Variants in DOCK8 observed in about 807,000 individuals in gnomAD.
DOCK8 encodes dedicator of cytokinesis protein 8.
DOCK8 carries 141 observed loss-of-function variants against 245.6 expected under a neutral mutation model. The observed-to-expected ratio is 0.57, with a 90% CI of 0.50 to 0.66. The LOEUF is 0.66. Ranked by LOEUF, DOCK8 falls within the 30% of genes least tolerant of loss-of-function variation. DOCK8 has a pLI of 0.00. For missense variants in DOCK8, 2,965 were observed against 2,603.4 expected, an observed-to-expected ratio of 1.14 and a Z score of -3.02; for synonymous variants, 1,168 against 970.2, an observed-to-expected ratio of 1.20 and a Z score of -3.79.
At position 214,968 on chromosome 9, in the gene DOCK8, C is replaced by A. The variant is rs1442572895; in HGVS notation, c.-9C>A. On this transcript the variant is annotated 5_prime_UTR_variant, in exon 1 of 48. Coordinates refer to ENST00000432829, the MANE Select transcript of DOCK8 (RefSeq NM_203447.4). ...GCGACCCTAGAAGCCACCGAACCGCCGGCGGGCCATGGCCACTCTGCCGAG... is the reference window on the plus strand; with the variant it reads ...GCGACCCTAGAAGCCACCGAACCGCAGGCGGGCCATGGCCACTCTGCCGAG... 3 of 1,601,782 alleles carry A rather than the reference C, an allele frequency of 1.9e-6. No individual in the cohort carries two copies. The African/African-American group carries it at 4.1e-5, about 22-fold the overall frequency.
intron 4 of DOCK8, among the ~76,000 whole-genome samples, chr9:299,423 G>C (rs892334690): frequency 6.6e-6 from 1 of 151,968 alleles, no homozygotes; most frequent in Non-Finnish European, 1.5e-5. Flanking sequence ...CACCATACTC[G>C]GCTAATTTTT....
intron 35 of DOCK8, 115 bp from the exon 36 acceptor site, chr9:429,584 AATG>A (rs1314689140): frequency 2.5e-6 from 3 of 1,177,426 alleles, no homozygotes; most frequent in Non-Finnish European, 3.8e-6. Flanking sequence ...TTTATGGAAT[AATG>A]CATTAACTCT....
chr9:278,137 T>C (rs2048431012), intron 2 of DOCK8, among the ~76,000 whole-genome samples: 1 of 152,028 alleles, frequency 6.6e-6, no homozygotes, highest in African/African-American at 2.4e-5. Context: ...GTGGCAGGCA[T>C]TCTGCACACA....
At chr9:280,807 C>G (rs1156344780) in intron 2 of DOCK8, 1 of 152,230 alleles carries the variant, frequency 6.6e-6, no homozygotes, top group Non-Finnish European at 1.5e-5. Context: ...CAGGAGAACT[C>G]TCTTGTAGCT....
intron 1 of DOCK8, among the ~76,000 whole-genome samples, chr9:235,413 C>G (rs1350624713): frequency 6.6e-6 from 1 of 152,172 alleles, no homozygotes; most frequent in Non-Finnish European, 1.5e-5. Flanking sequence ...AACCACTCCT[C>G]TCTTCAAAGC....
intron 24 of DOCK8, among the ~76,000 whole-genome samples, chr9:391,116 C>T (rs758549446): frequency 3.3e-5 from 5 of 152,204 alleles, no homozygotes; most frequent in African/African-American, 7.2e-5. Flanking sequence ...ATTTTGGCCT[C>T]ACAGCCTTTT....
At chr9:406,797 TG>T in intron 27 of DOCK8, 132 bp from the exon 28 acceptor site, 1 of 1,069,424 alleles carries the variant, frequency 9.4e-7, no homozygotes, top group South Asian at 1.3e-5. Flanking sequence ...CCGCCTTATC[TG>T]GCACCAGAGT....
chr9:401,039 ATCACTTCTT>A (rs2131490631), intron 26 of DOCK8, among the ~76,000 whole-genome samples: 1 of 129,056 alleles, frequency 7.7e-6, no homozygotes, highest in Non-Finnish European at 1.6e-5. Flanking sequence ...CACCTCCACC[ATCACTTCTT>A]CCACCATCAT....
Position 304,569 on chromosome 9 carries a change from C to T in DOCK8, c.405-12C>T. ...CTCTTTCTCTCTCCAAATTAAATAT[C>T]AACCATAAAAGAAACCAAGGAAGTC... On this transcript the variant is annotated splice_polypyrimidine_tract_variant and intron_variant, in intron 4 of 47. Transcript: ENST00000432829. The T allele has an allele frequency of 6.2e-7, 1 of 1,613,948 alleles. No homozygotes were observed. The highest frequency in any genetic ancestry group is 8.5e-7 in the Non-Finnish European group (1 of 1,179,978).
chr9:271,603 T>A, intron 1 of DOCK8, 24 bp from the exon 2 acceptor site: 2 of 1,448,746 alleles, frequency 1.4e-6, no homozygotes, highest in Non-Finnish European at 1.9e-6. Flanking sequence ...TCATTTCATT[T>A]AGATTTTTCT....
chr9:367,915 T>A lies in DOCK8; in HGVS notation c.1680-103T>A, dbSNP rs907623948. On this transcript the variant is annotated intron_variant, in intron 14 of 47. Transcript: ENST00000432829. Reference sequence around the variant, plus strand: ...TCACTTCTGAGAGGAAAAACTTCTTTGGAAAAAGCACCCCATGAATGGAAG... The same window carrying A: ...TCACTTCTGAGAGGAAAAACTTCTTAGGAAAAAGCACCCCATGAATGGAAG... The A allele has an allele frequency of 7.3e-6, 7 of 952,470 alleles. No individual in the cohort carries two copies. The African/African-American group carries it at 1.1e-4, about 16-fold the overall frequency. The allele number at this position is 952,470 out of a possible 1,614,324, so 59.0% of individuals were successfully genotyped here.
At chr9:396,323 C>A (rs111844774) in intron 24 of DOCK8, among the ~76,000 whole-genome samples, 2,485 of 152,280 alleles carry the variant, frequency 0.016, 29 homozygotes, top group Non-Finnish European at 0.022. Context: ...ATAGGAGGAA[C>A]ATTTCTCCCA....
Position 386,443 on chromosome 9 carries a change from T to G in DOCK8, c.2874+17T>G, listed in dbSNP as rs373063419. The G allele has an allele frequency of 1.5e-5, 24 of 1,606,958 alleles. No homozygotes were observed. The highest frequency in any genetic ancestry group is 1.8e-5 in the Non-Finnish European group (21 of 1,174,084). On this transcript the variant is annotated intron_variant, in intron 23 of 47. Coordinates refer to ENST00000432829, the MANE Select transcript of DOCK8 (RefSeq NM_203447.4). The stretch of plus-strand genomic sequence containing the variant: ...AGCAAAAAGGTACTGAAGAGAGCAA[T>G]GTGAGGTTCATCCCAGGATAAGAAC...
At chr9:334,407 G>T (rs779275728) in intron 11 of DOCK8, 23 bp downstream of exon 11, 9 of 1,609,674 alleles carry the variant, frequency 5.6e-6, no homozygotes, top group Non-Finnish European at 7.6e-6. Context: ...CCTGCAGTGG[G>T]AAAGGGAGGG....
intron 7 of DOCK8, among the ~76,000 whole-genome samples, chr9:323,443 G>C (rs2050613976): frequency 6.6e-6 from 1 of 151,878 alleles, no homozygotes; most frequent in Non-Finnish European, 1.5e-5. Context: ...GGCTGGTCTT[G>C]AACTCCTGAC....
Position 406,998 on chromosome 9 carries a change from C to T in DOCK8, c.3459C>T (p.Tyr1153=), listed in dbSNP as rs760479112. Residue 1153 remains tyrosine, a synonymous_variant, in exon 28 of 48, where the codon TAC becomes TAT. Coordinates refer to ENST00000432829, the MANE Select transcript of DOCK8 (RefSeq NM_203447.4). ...IASMFDLTSE[Y]RQQHFLTGLL... ...GCATGTTCGATCTGACTTCCGAGTA[C>T]CGCCAGCAGCACTTCCTCACCGGGC... 7 of 1,614,034 alleles carry T rather than the reference C, an allele frequency of 4.3e-6. No individual in the cohort carries two copies. The highest frequency in any genetic ancestry group is 1.7e-5 in the Admixed American group (1 of 60,000).
In DOCK8 at chr9:386,522, C is replaced by T. The variant is rs547573866; in HGVS notation, c.2874+96C>T. Reference sequence around the variant, plus strand: ...TGCTTGGGAATAGTCAAAGTGCTCCCCTGCCTGTCCCTGATGTGCTAACAC... The same window carrying T: ...TGCTTGGGAATAGTCAAAGTGCTCCTCTGCCTGTCCCTGATGTGCTAACAC... On this transcript the variant is annotated intron_variant, in intron 23 of 47. Transcript: ENST00000432829. The T allele has an allele frequency of 3.3e-5, 33 of 989,498 alleles. No individual in the cohort carries two copies. In the African/African-American group the frequency reaches 4.2e-4, roughly 13 times the overall value. 61.3% of individuals were successfully genotyped at this position (989,498 alleles called of 1,614,324 possible).
chr9:380,807 T>G (rs1254808427), intron 21 of DOCK8: 1 of 130,178 alleles, frequency 7.7e-6, no homozygotes, highest in Non-Finnish European at 1.6e-5. Context: ...GAGGCTGAGA[T>G]GGCAGGATCG....
chr9:223,244 C>T (rs1484419730), intron 1 of DOCK8, among the ~76,000 whole-genome samples: 16 of 152,154 alleles, frequency 1.1e-4, no homozygotes, highest in Admixed American at 9.8e-4. Context: ...TTAATAAACT[C>T]CACCGCCTCA....
Sources: allele counts gnomAD v4.1 joint callset (sites outside exome capture counted in the v4.1 genomes callset), GRCh38; gene constraint gnomAD v4.1.1; transcripts MANE v1.5; gene names NCBI Gene and HGNC (gene_info 2026-07-23, HGNC 2026-07-21).